Variants in DNAH10 observed in about 807,000 individuals in gnomAD.
The protein encoded by DNAH10 is dynein axonemal heavy chain 10, also known as axonemal beta dynein heavy chain 10.
A neutral mutation model predicts 506.6 loss-of-function variants in DNAH10; 348 were observed. The observed-to-expected ratio is 0.69, with a 90% CI of 0.63 to 0.75. The LOEUF is 0.75. Among genes scored for constraint, DNAH10 ranks in the 30% least tolerant of loss-of-function variants. The pLI is 0.00. For synonymous variants in DNAH10, 2,059 were observed against 2,198.6 expected, an observed-to-expected ratio of 0.94 and a Z score of 1.78; for missense variants, 5,179 against 5,787.1, an observed-to-expected ratio of 0.89 and a Z score of 3.41.
chr12:123,806,699 A>G (rs1958685858), intron 18 of DNAH10, among the ~76,000 whole-genome samples: 1 of 151,112 alleles, frequency 6.6e-6, no homozygotes, highest in Non-Finnish European at 1.5e-5. Context: ...ACTACTTTTA[A>G]TTTAGATTCC....
rs1961417110 is a variant in DNAH10 at position 123,838,455 on chromosome 12, G to A, written c.4903-1G>A. On this transcript the variant is annotated splice_acceptor_variant, in intron 28 of 78. Transcript: ENST00000673944. LOFTEE classifies it high-confidence loss of function. ...GACGGCTGTCCTCTGTTCTGGTCCA[G>A]ATCATGGGTGAGACCTTAAAAGACC... is the stretch of plus-strand genomic sequence containing the variant. 6.2e-7 allele frequency: 1 copy of A among 1,612,240 alleles called. No homozygotes were observed. Among genetic ancestry groups the A allele is most frequent in the Non-Finnish European group, 8.5e-7 (1 of 1,179,108 alleles).
At chr12:123,768,631 C>T (rs1300025884) in intron 2 of DNAH10, among the ~76,000 whole-genome samples, 1 of 152,238 alleles carries the variant, frequency 6.6e-6, no homozygotes, top group Admixed American at 6.5e-5. Context: ...CAGGCGATGT[C>T]TCAGCCAGCT....
intron 48 of DNAH10, 74 bp downstream of exon 48, chr12:123,877,982 T>C: frequency 6.7e-7 from 1 of 1,497,792 alleles, no homozygotes. Flanking sequence ...GACAGAGGGC[T>C]TATCAGTGGA....
rs1001839414 is a variant in DNAH10 at position 123,841,609 on chromosome 12, A to G, written c.5360+64A>G. On this transcript the variant is annotated intron_variant, in intron 30 of 78. Transcript: ENST00000673944. The stretch of plus-strand genomic sequence containing the variant: ...TTCATAGTCATAATGGATTAATTTT[A>G]AAGGCTTGGAGTAGATTGGCTGACA... The G allele has an allele frequency of 4.6e-5, 69 of 1,503,000 alleles. 1 individual carries two copies. In the South Asian group the frequency reaches 7.7e-4, roughly 17 times the overall value. 93.1% of individuals were successfully genotyped at this position (1,503,000 alleles called of 1,614,324 possible).
intron 39 of DNAH10, 59 bp downstream of exon 39, chr12:123,861,229 T>C (rs1429177119): frequency 5.1e-6 from 8 of 1,575,858 alleles, no homozygotes; most frequent in African/African-American, 2.7e-5. Flanking sequence ...TAGCTCAACA[T>C]TAAAAACGGT....
intron 72 of DNAH10, chr12:123,930,023 T>C: frequency 1.7e-6 from 1 of 573,470 alleles, no homozygotes; most frequent in Non-Finnish European, 3.1e-6. Flanking sequence ...TGTTGCTGTA[T>C]ACAGAGCTCA....
chr12:123,781,030 A>T, intron 5 of DNAH10, 50 bp from the exon 6 acceptor site: 3 of 1,440,396 alleles, frequency 2.1e-6, no homozygotes, highest in Non-Finnish European at 2.8e-6. Context: ...GAATACATGA[A>T]TTATTGAAAA....
At chr12:123,880,419 A>G (rs1490788091) in intron 50 of DNAH10, among the ~76,000 whole-genome samples, 1 of 152,102 alleles carries the variant, frequency 6.6e-6, no homozygotes, top group Non-Finnish European at 1.5e-5. Flanking sequence ...GGCTCTCTGC[A>G]GCCTCAACCT....
intron 40 of DNAH10, among the ~76,000 whole-genome samples, chr12:123,865,045 G>T (rs1332987461): frequency 6.6e-6 from 1 of 152,138 alleles, no homozygotes; most frequent in Non-Finnish European, 1.5e-5. Context: ...ACAAAAGTGA[G>T]AATTCATCTC....
rs370816723 is a variant in DNAH10, at chr12:123,845,603, C to T, written c.5364C>T (p.Val1788=). 5.6e-6 allele frequency: 9 copies of T among 1,612,404 alleles called. No homozygotes were observed. Among genetic ancestry groups the T allele is most frequent in the South Asian group, 3.3e-5 (3 of 91,058 alleles). ...IFRYCEDRSR[V]DWMLLYQGMV... is the part of the protein sequence containing the mutation. ...TACAGGTGTGCGTTTTCTGCAGAGT[C>T]GACTGGATGCTCCTGTACCAGGGCA... The change falls in exon 31 of 79, where the codon GTC becomes GTT. Residue 1788 remains valine (V), a synonymous_variant. Transcript: ENST00000673944.
At chr12:123,838,106 A>T (rs1027401947) in intron 28 of DNAH10, among the ~76,000 whole-genome samples, 1 of 152,170 alleles carries the variant, frequency 6.6e-6, no homozygotes, top group Non-Finnish European at 1.5e-5. Flanking sequence ...TCCTTTACTC[A>T]GCAAGTGTTG....
At chr12:123,867,422 A>G (rs1951854202) in intron 41 of DNAH10, 45 bp from the exon 42 acceptor site, 1 of 1,577,508 alleles carries the variant, frequency 6.3e-7, no homozygotes, top group Non-Finnish European at 8.6e-7. Context: ...CTTCCATTTA[A>G]ATAAACAAAC....
intron 14 of DNAH10, 120 bp downstream of exon 14, chr12:123,799,491 A>G: frequency 7.4e-7 from 1 of 1,346,912 alleles, no homozygotes; most frequent in South Asian, 1.6e-5. Flanking sequence ...ATCAAAGACA[A>G]GGAAGGGCTA....
chr12:123,933,818 AAAACC>A (rs2137766593), intron 77 of DNAH10, among the ~76,000 whole-genome samples: 1 of 152,282 alleles, frequency 6.6e-6, no homozygotes, highest in African/African-American at 2.4e-5. Context: ...AGCTCTTGCA[AAAACC>A]ATCAGGTGGC....
chr12:123,808,857 C>A lies in DNAH10; in HGVS notation c.3048C>A (p.Thr1016=). ...ATGTCCCTCTGTTCCACACTGAAAC[C>A]ATTCTGACGGCACCTGAGATCATCC... ...LGNVPLFHTE[T]ILTAPEIILH... Residue 1016 remains threonine (T), a synonymous_variant, in exon 19 of 79, where the codon ACC becomes ACA. Coordinates refer to ENST00000673944, the MANE Select transcript of DNAH10 (RefSeq NM_001372106.1). 6.2e-7 allele frequency: 1 copy of A among 1,614,154 alleles called. No homozygotes were observed. Among genetic ancestry groups the A allele is most frequent in the African/African-American group, 1.3e-5 (1 of 75,034 alleles).
intron 1 of DNAH10, among the ~76,000 whole-genome samples, chr12:123,763,386 C>CA (rs1271363172): frequency 2.6e-5 from 4 of 151,994 alleles, no homozygotes; most frequent in Non-Finnish European, 5.9e-5. Context: ...AGCTGGAGCA[C>CA]AGCTACCGGG....
intron 43 of DNAH10, among the ~76,000 whole-genome samples, chr12:123,869,946 T>C (rs1357832636): frequency 6.6e-6 from 1 of 152,168 alleles, no homozygotes; most frequent in Non-Finnish European, 1.5e-5. Context: ...GCAGCACTTA[T>C]GGCTCCACAC....
At chr12:123,788,554 C>T (rs191496844) in intron 10 of DNAH10, among the ~76,000 whole-genome samples, 3 of 152,264 alleles carry the variant, frequency 2.0e-5, no homozygotes, top group African/African-American at 4.8e-5. Flanking sequence ...AAAGCAGGTC[C>T]GGCTGCGGTG....
At chr12:123,836,330 G>C (rs538335462) in intron 28 of DNAH10, among the ~76,000 whole-genome samples, 1 of 152,338 alleles carries the variant, frequency 6.6e-6, no homozygotes, top group Non-Finnish European at 1.5e-5. Context: ...CATTAGTTTA[G>C]TTGATTACTC....
Sources: allele counts gnomAD v4.1 joint callset (sites outside exome capture counted in the v4.1 genomes callset), GRCh38; gene constraint gnomAD v4.1.1; transcripts MANE v1.5; gene names NCBI Gene and HGNC (gene_info 2026-07-23, HGNC 2026-07-21).